Variants in TRIOBP observed in about 807,000 individuals in gnomAD.
The protein encoded by TRIOBP is TRIO and F-actin binding protein, also known as TRIO and F-actin-binding protein.
A neutral mutation model predicts 238.8 loss-of-function variants in TRIOBP; 169 were observed. That is an observed-to-expected ratio of 0.71 (90% CI 0.62 to 0.80). TRIOBP has a LOEUF of 0.80. TRIOBP is among the 30% of genes least tolerant of loss of function. TRIOBP has a pLI of 0.00. For missense variants in TRIOBP, 2,838 were observed against 3,122.6 expected, an observed-to-expected ratio of 0.91 and a Z score of 2.17; for synonymous variants, 1,150 against 1,274.4, an observed-to-expected ratio of 0.90 and a Z score of 2.08.
chr22:37,726,066 T>G lies in TRIOBP; in HGVS notation c.3510T>G (p.Asp1170Glu), dbSNP rs1924138056. 6.3e-7 allele frequency: 1 copy of G among 1,593,606 alleles called. No homozygotes were observed. The highest frequency in any genetic ancestry group is 2.4e-5 in the East Asian group (1 of 42,218). ...IPTPVCIGHR[D>E]APSFSSPPRQ... is the part of the protein sequence containing the mutation. Reference sequence around the variant, plus strand: ...CCCCTGTGTGCATTGGGCACCGGGATGCACCCTCCTTCTCATCCCCACCAC... The same window carrying G: ...CCCCTGTGTGCATTGGGCACCGGGAGGCACCCTCCTTCTCATCCCCACCAC... Residue 1170 changes from aspartate to glutamate, a missense_variant, in exon 7 of 24, where the codon GAT becomes GAG. Coordinates refer to ENST00000644935, the MANE Select transcript of TRIOBP (RefSeq NM_001039141.3).
intron 17 of TRIOBP, among the ~76,000 whole-genome samples, chr22:37,763,222 C>T (rs1011655835): frequency 2.6e-5 from 4 of 152,174 alleles, no homozygotes; most frequent in Non-Finnish European, 5.9e-5. Flanking sequence ...ACAGGGTTCC[C>T]GTGCCCAGGG....
At position 37,755,682 on chromosome 22, in the gene TRIOBP, G is replaced by A. The variant is rs761085777; in HGVS notation, c.5687+23G>A. ...CAAGTACGTACTAAGCTGGACTGGG[G>A]CCTTGAGGGAGGCACTTACCCTTGC... On this transcript the variant is annotated intron_variant, in intron 15 of 23. Transcript: ENST00000644935. 3.7e-6 allele frequency: 6 copies of A among 1,610,076 alleles called. No homozygotes were observed. In the African/African-American group the frequency reaches 4.0e-5, roughly 11 times the overall value.
chr22:37,730,728 G>A (rs968681697), intron 7 of TRIOBP, among the ~76,000 whole-genome samples: 1 of 152,040 alleles, frequency 6.6e-6, no homozygotes, highest in Non-Finnish European at 1.5e-5. Flanking sequence ...GATTACCTGA[G>A]GTCAGGAGTT....
intron 6 of TRIOBP, among the ~76,000 whole-genome samples, chr22:37,716,309 A>G (rs1374039068): frequency 6.6e-6 from 1 of 151,926 alleles, no homozygotes; most frequent in Non-Finnish European, 1.5e-5. Flanking sequence ...ATGGGGTTTC[A>G]CCATGTTAGC....
chr22:37,705,637 G>A (rs1173928264), intron 3 of TRIOBP, among the ~76,000 whole-genome samples: 3 of 151,866 alleles, frequency 2.0e-5, no homozygotes, highest in East Asian at 2.0e-4. Flanking sequence ...GTGCAGAGGC[G>A]TGATCTCGGC....
chr22:37,772,450 G>C (rs1166706573), intron 22 of TRIOBP, 151 bp from the exon 23 acceptor site: 2 of 1,037,584 alleles, frequency 1.9e-6, no homozygotes, highest in East Asian at 2.5e-5. Flanking sequence ...GGAGGGGTAA[G>C]CCCAGAACCC....
At chr22:37,761,788 T>G (rs1601663005) in intron 17 of TRIOBP, among the ~76,000 whole-genome samples, 4 of 130,062 alleles carry the variant, frequency 3.1e-5, no homozygotes, top group Non-Finnish European at 6.9e-5. Context: ...GGAATTGGGG[T>G]GGGACGCAGA....
intron 6 of TRIOBP, among the ~76,000 whole-genome samples, chr22:37,716,832 G>C (rs1051115270): frequency 1.3e-5 from 2 of 152,246 alleles, no homozygotes; most frequent in Non-Finnish European, 2.9e-5. Context: ...GCAGGGAGGG[G>C]TTGAAGGATG....
At chr22:37,759,083 G>A (rs753444670) in intron 16 of TRIOBP, 71 bp from the exon 17 acceptor site, 78 of 1,279,952 alleles carry the variant, frequency 6.1e-5, no homozygotes, top group Non-Finnish European at 7.9e-5. Context: ...GGAAGCCTGC[G>A]GGCTCCTCAC....
intron 11 of TRIOBP, among the ~76,000 whole-genome samples, chr22:37,747,319 T>C (rs1285174662): frequency 6.6e-6 from 1 of 152,184 alleles, no homozygotes; most frequent in African/African-American, 2.4e-5. Context: ...GTGGGGCTGC[T>C]TTTGGTTTCT....
At chr22:37,754,138 G>A (rs924369252) in intron 12 of TRIOBP, among the ~76,000 whole-genome samples, 2 of 152,178 alleles carry the variant, frequency 1.3e-5, no homozygotes, top group African/African-American at 2.4e-5. Flanking sequence ...ATCTGGGCGC[G>A]GTGGCTCACG....
intron 6 of TRIOBP, among the ~76,000 whole-genome samples, chr22:37,719,527 A>G (rs573590645): frequency 1.4e-4 from 21 of 152,266 alleles, no homozygotes; most frequent in African/African-American, 5.1e-4. Context: ...TCACTCAGGC[A>G]CTCAGCAGAC....
intron 7 of TRIOBP, among the ~76,000 whole-genome samples, chr22:37,729,671 CTT>C (rs1265315735): frequency 2.6e-5 from 4 of 152,104 alleles, no homozygotes; most frequent in Non-Finnish European, 5.9e-5. Flanking sequence ...TATGTTTACA[CTT>C]TTATTAACCA....
chr22:37,741,070 G>A, intron 11 of TRIOBP, 38 bp downstream of exon 11: 1 of 1,551,718 alleles, frequency 6.4e-7, no homozygotes, highest in Non-Finnish European at 8.7e-7. Context: ...GGGTGAGGGT[G>A]GATAGAGACG....
rs1284219243 is a variant in TRIOBP at position 37,769,372 on chromosome 22, A to G, written c.6846A>G (p.Leu2282=). The G allele has an allele frequency of 1.0e-5, 16 of 1,601,800 alleles. No individual in the cohort carries two copies. Among genetic ancestry groups the G allele is most frequent in the Non-Finnish European group, 1.4e-5 (16 of 1,176,306 alleles). ...GCAACGAGCGGAGTTCCTGCGAGCT[A>G]GAGGTGAGTGTCCTCACTAGCACCA... The part of the protein sequence containing the change: ...GRSNERSSCE[L]EVLLRVKENE... Residue 2282 remains leucine (L), a synonymous_variant, in exon 21 of 24, where the codon CTA becomes CTG. Coordinates refer to ENST00000644935, the MANE Select transcript of TRIOBP (RefSeq NM_001039141.3).
At chr22:37,737,205 A>T (rs942981648) in intron 9 of TRIOBP, among the ~76,000 whole-genome samples, 1 of 152,186 alleles carries the variant, frequency 6.6e-6, no homozygotes, top group African/African-American at 2.4e-5. Context: ...GAAGTTAGAA[A>T]GATTCTTCAG....
In TRIOBP at chr22:37,704,381, T is replaced by TCAGAACAGAA. The variant is rs71195040; in HGVS notation, c.114+2951_114+2960dup. ...CTGGGTGACAGAGTTGGACCCTGACTCAGAACAGAACAGAACAGAACAGAA... is the reference window on the plus strand; with the variant it reads ...CTGGGTGACAGAGTTGGACCCTGACTCAGAACAGAACAGAACAGAACAGAACAGAACAGAA... On this transcript the variant is annotated intron_variant, in intron 3 of 23. Coordinates refer to ENST00000644935, the MANE Select transcript of TRIOBP (RefSeq NM_001039141.3). 2.1e-3 allele frequency among the ~76,000 whole-genome samples: 283 copies of TCAGAACAGAA among 137,828 alleles called. 1 individual carries two copies. Among genetic ancestry groups the TCAGAACAGAA allele is most frequent in the African/African-American group, 5.4e-3 (181 of 33,526 alleles). 90.4% of individuals were successfully genotyped at this position (137,828 alleles called of 152,430 possible). A position where few individuals can be genotyped will look rare whatever the true frequency, so the allele number is the denominator to read the frequency against.
Position 37,735,283 on chromosome 22 carries a change from GA to G in TRIOBP, c.4948del (p.Ser1650AlafsTer20). Reference protein sequence around the residue: ...NGHSPALQSQSPVQLPSPACT... With the variant: ...NGHSPALQSQXPVQLPSPACT... Reference sequence around the variant, plus strand: ...GACACAGCCCCGCACTGCAGTCCCAGAGCCCGGTCCAGCTGCCCAGCCCTGC... The same window carrying G: ...GACACAGCCCCGCACTGCAGTCCCAGGCCCGGTCCAGCTGCCCAGCCCTGC... On this transcript the variant is annotated frameshift_variant, in exon 9 of 24. Coordinates refer to ENST00000644935, the MANE Select transcript of TRIOBP (RefSeq NM_001039141.3). LOFTEE classifies it high-confidence loss of function. 6.2e-7 allele frequency: 1 copy of G among 1,610,226 alleles called. No homozygotes were observed.
intron 11 of TRIOBP, among the ~76,000 whole-genome samples, chr22:37,747,992 A>T (rs535761236): frequency 6.6e-6 from 1 of 152,296 alleles, no homozygotes; most frequent in South Asian, 2.1e-4. Flanking sequence ...AGCCTTCCTG[A>T]GGGAGGTGTC....
Sources: allele counts gnomAD v4.1 joint callset (sites outside exome capture counted in the v4.1 genomes callset), GRCh38; gene constraint gnomAD v4.1.1; transcripts MANE v1.5; gene names NCBI Gene and HGNC (gene_info 2026-07-23, HGNC 2026-07-21).